Variants in MDGA2 observed in about 807,000 individuals in gnomAD.
The protein encoded by MDGA2 is MAM domain-containing glycosylphosphatidylinositol anchor protein 2.
In MDGA2, 40 loss-of-function variants were observed where a neutral mutation model predicts 117.8. The ratio of observed to expected loss-of-function variants is 0.34; its 90% CI spans 0.26 to 0.44. The LOEUF is 0.44. Ranked by LOEUF, MDGA2 falls within the 20% of genes least tolerant of loss-of-function variation. The pLI, the probability that MDGA2 is intolerant of heterozygous loss-of-function variation, is 1.00. For synonymous variants in MDGA2, 452 were observed against 439.0 expected (o/e 1.03, Z -0.37); for missense variants, 1,123 against 1,250.6 (o/e 0.90, Z 1.54).
At chr14:47,102,567 C>T (rs1566625224) in intron 5 of MDGA2, among the ~76,000 whole-genome samples, 1 of 151,930 alleles carries the variant, frequency 6.6e-6, no homozygotes, top group Non-Finnish European at 1.5e-5. Flanking sequence ...AAGGGCAAAA[C>T]AAGGAAGGAA....
At chr14:47,152,549 T>A (rs990986501) in intron 3 of MDGA2, among the ~76,000 whole-genome samples, 3 of 152,162 alleles carry the variant, frequency 2.0e-5, no homozygotes, top group African/African-American at 7.2e-5. Flanking sequence ...ACGATGAGTA[T>A]TATCAAATAT....
chr14:47,081,813 A>C (rs1890719064), intron 6 of MDGA2, among the ~76,000 whole-genome samples: 1 of 152,160 alleles, frequency 6.6e-6, no homozygotes, highest in Admixed American at 6.5e-5. Context: ...AAATTTTGTC[A>C]TCATTTTCTG....
intron 1 of MDGA2, among the ~76,000 whole-genome samples, chr14:47,535,041 T>A (rs1895179950): frequency 6.6e-6 from 1 of 152,224 alleles, no homozygotes. Flanking sequence ...AGTTCTATTT[T>A]AATATGTCAA....
chr14:47,198,977 T>C (rs1047672716), intron 3 of MDGA2, among the ~76,000 whole-genome samples: 5 of 152,042 alleles, frequency 3.3e-5, no homozygotes, highest in African/African-American at 9.7e-5. Context: ...GAGACTGAGG[T>C]TTCCAGAAAA....
At chr14:47,362,226 G>T (rs563203712) in intron 1 of MDGA2, among the ~76,000 whole-genome samples, 108 of 152,148 alleles carry the variant, frequency 7.1e-4, no homozygotes, top group Non-Finnish European at 7.4e-5. Context: ...GGATTTTGAA[G>T]TACCTTCATT....
intron 2 of MDGA2, among the ~76,000 whole-genome samples, chr14:47,287,919 C>T (rs1023056474): frequency 2.6e-5 from 4 of 152,070 alleles, no homozygotes; most frequent in African/African-American, 9.7e-5. Context: ...AGTGATGAAG[C>T]TGAAAGCCAT....
At chr14:47,597,444 G>T (rs898629070) in intron 1 of MDGA2, among the ~76,000 whole-genome samples, 4 of 151,674 alleles carry the variant, frequency 2.6e-5, no homozygotes, top group Admixed American at 6.6e-5. Context: ...TTTCAATAAT[G>T]AACGTAAGTT....
intron 2 of MDGA2, among the ~76,000 whole-genome samples, chr14:47,248,127 A>G (rs1344064373): frequency 1.3e-5 from 2 of 151,668 alleles, no homozygotes; most frequent in Non-Finnish European, 3.0e-5. Context: ...GTGTCTTTAT[A>G]GTAGAATGAT....
At chr14:47,286,084 T>G (rs1443856126) in intron 2 of MDGA2, among the ~76,000 whole-genome samples, 1 of 152,002 alleles carries the variant, frequency 6.6e-6, no homozygotes, top group Non-Finnish European at 1.5e-5. Context: ...AACTTTTAAT[T>G]CTTTTTAATT....
intron 2 of MDGA2, among the ~76,000 whole-genome samples, chr14:47,245,597 G>T (rs1329672499): frequency 6.6e-6 from 1 of 151,632 alleles, no homozygotes; most frequent in East Asian, 1.9e-4. Flanking sequence ...TGAAATAAGA[G>T]AAAAATTTTT....
intron 10 of MDGA2, among the ~76,000 whole-genome samples, chr14:46,883,173 A>C (rs553469033): frequency 6.6e-6 from 1 of 152,262 alleles, no homozygotes; most frequent in African/African-American, 2.4e-5. Context: ...ACTTATGTAT[A>C]CAAACCGAAT....
chr14:47,529,937 G>GTAGCAGTAGTTTATTTATTCC, intron 1 of MDGA2, among the ~76,000 whole-genome samples: 1 of 152,142 alleles, frequency 6.6e-6, no homozygotes, highest in East Asian at 1.9e-4. Context: ...CTACTGCTAC[G>GTAGCAGTAGTTTATTTATTCC]GAATAAAAGA....
intron 5 of MDGA2, among the ~76,000 whole-genome samples, chr14:47,116,740 A>C (rs1881350938): frequency 3.9e-5 from 6 of 152,078 alleles, no homozygotes. Context: ...CCTAACTTAC[A>C]CAATACACCA....
chr14:47,049,458 T>A (rs1050165070), intron 7 of MDGA2, among the ~76,000 whole-genome samples: 1 of 152,142 alleles, frequency 6.6e-6, no homozygotes, highest in Non-Finnish European at 1.5e-5. Flanking sequence ...ATGTAAATGC[T>A]ATTTAATAGT....
At chr14:47,014,624 CAT>C (rs1405426821) in intron 8 of MDGA2, among the ~76,000 whole-genome samples, 1 of 152,140 alleles carries the variant, frequency 6.6e-6, no homozygotes, top group Non-Finnish European at 1.5e-5. Flanking sequence ...CATGAACCAA[CAT>C]GTGTTAGCTT....
At chr14:47,279,730 G>A (rs1457488164) in intron 2 of MDGA2, among the ~76,000 whole-genome samples, 1 of 151,234 alleles carries the variant, frequency 6.6e-6, no homozygotes, top group Non-Finnish European at 1.5e-5. Flanking sequence ...CTTCCAAACA[G>A]ACAAACACAC....
chr14:47,359,538 T>C (rs28882510), intron 1 of MDGA2, among the ~76,000 whole-genome samples: 49,462 of 151,600 alleles, frequency 0.33, 8,687 homozygotes, highest in Admixed American at 0.51. Flanking sequence ...TAATGCACAA[T>C]GAGGAATGGA....
At chr14:47,333,549 T>C (rs1344981554) in intron 1 of MDGA2, among the ~76,000 whole-genome samples, 4 of 151,884 alleles carry the variant, frequency 2.6e-5, no homozygotes, top group Non-Finnish European at 5.9e-5. Flanking sequence ...CAGACAATTT[T>C]TATTTGTTTC....
At chr14:47,228,349 C>T (rs569134325) in intron 2 of MDGA2, among the ~76,000 whole-genome samples, 10 of 152,036 alleles carry the variant, frequency 6.6e-5, no homozygotes, top group South Asian at 2.1e-4. Flanking sequence ...GTTTCACTTA[C>T]GATTTGTTTG....
Sources: gnomAD v4.1 joint callset for allele counts (sites outside exome capture counted in the v4.1 genomes callset) on GRCh38, gnomAD v4.1.1 for gene constraint, MANE v1.5 for transcripts, NCBI Gene and HGNC (gene_info 2026-07-23, HGNC 2026-07-21) for gene names.